The following DYNC1I1 variants were observed in gnomAD, a reference collection of about 807,000 sequenced individuals.
The protein encoded by DYNC1I1 is dynein cytoplasmic 1 intermediate chain 1, also known as cytoplasmic dynein 1 intermediate chain 1.
A neutral mutation model predicts 86.6 loss-of-function variants in DYNC1I1; 43 were observed. The observed-to-expected ratio is 0.50, with a 90% CI of 0.39 to 0.64. DYNC1I1 has a LOEUF of 0.64. Ranked by LOEUF, DYNC1I1 falls within the 30% of genes least tolerant of loss-of-function variation. DYNC1I1 has a pLI of 0.00. For synonymous variants in DYNC1I1, 262 were observed against 283.7 expected, an observed-to-expected ratio of 0.92 and a Z score of 0.77; for missense variants, 604 against 788.8, an observed-to-expected ratio of 0.77 and a Z score of 2.81.
intron 2 of DYNC1I1, among the ~76,000 whole-genome samples, chr7:95,809,112 A>G (rs930089127): frequency 5.9e-5 from 9 of 152,162 alleles, no homozygotes; most frequent in Non-Finnish European, 1.0e-4. Context: ...TTCAAATGGT[A>G]GTTTTCCCTC....
At chr7:95,921,645 C>A (rs189201413) in intron 6 of DYNC1I1, among the ~76,000 whole-genome samples, 70 of 152,228 alleles carry the variant, frequency 4.6e-4, no homozygotes, top group African/African-American at 1.6e-3. Context: ...GGTCACCTTC[C>A]AAAATGAAAT....
chr7:95,798,832 G>A (rs1210035721), intron 1 of DYNC1I1, among the ~76,000 whole-genome samples: 1 of 152,078 alleles, frequency 6.6e-6, no homozygotes, highest in African/African-American at 2.4e-5. Context: ...TTCTAAATAG[G>A]ACCAAACTAT....
intron 14 of DYNC1I1, among the ~76,000 whole-genome samples, chr7:96,042,869 A>T (rs1297992460): frequency 6.6e-6 from 1 of 152,144 alleles, no homozygotes; most frequent in Non-Finnish European, 1.5e-5. Context: ...CTAATATAGG[A>T]ATAAAAAATG....
chr7:95,795,152 G>A (rs1003923326), intron 1 of DYNC1I1, among the ~76,000 whole-genome samples: 4 of 152,202 alleles, frequency 2.6e-5, no homozygotes, highest in African/African-American at 9.6e-5. Flanking sequence ...AGACTGGACC[G>A]GAAGTAGACT....
chr7:96,081,095 A>AAAAGC (rs1790507653), intron 16 of DYNC1I1, among the ~76,000 whole-genome samples: 1 of 151,552 alleles, frequency 6.6e-6, no homozygotes, highest in Non-Finnish European at 1.5e-5. Context: ...AAAAGAAAAG[A>AAAAGC]AAAGTTTGCC....
chr7:96,016,541 A>G (rs1257366916), intron 10 of DYNC1I1, among the ~76,000 whole-genome samples: 1 of 152,184 alleles, frequency 6.6e-6, no homozygotes, highest in Non-Finnish European at 1.5e-5. Flanking sequence ...CAGGACACAC[A>G]TATCATGCAA....
At chr7:96,010,108 A>G (rs953906146) in intron 10 of DYNC1I1, among the ~76,000 whole-genome samples, 2 of 152,192 alleles carry the variant, frequency 1.3e-5, no homozygotes, top group African/African-American at 2.4e-5. Context: ...TACTGAAGCT[A>G]CAATGATAAA....
At chr7:96,017,551 C>T (rs1391762275) in intron 10 of DYNC1I1, among the ~76,000 whole-genome samples, 1 of 152,026 alleles carries the variant, frequency 6.6e-6, no homozygotes, top group South Asian at 2.1e-4. Context: ...TAAAATATGA[C>T]CATTTTGCTG....
At chr7:95,987,200 G>C in intron 9 of DYNC1I1, 45 bp downstream of exon 9, 1 of 1,507,274 alleles carries the variant, frequency 6.6e-7, no homozygotes, top group Non-Finnish European at 9.2e-7. Context: ...TTGTGTTCTC[G>C]TGGCATTTGT....
At chr7:95,972,934 A>G (rs1793212564) in intron 6 of DYNC1I1, among the ~76,000 whole-genome samples, 1 of 152,206 alleles carries the variant, frequency 6.6e-6, no homozygotes, top group African/African-American at 2.4e-5. Context: ...GAATATGGGT[A>G]TTAAATAAAA....
intron 6 of DYNC1I1, among the ~76,000 whole-genome samples, chr7:95,965,105 A>C (rs896755724): frequency 3.3e-5 from 5 of 152,172 alleles, no homozygotes; most frequent in Non-Finnish European, 5.9e-5. Flanking sequence ...GTACACATGG[A>C]TTGTGAAGCA....
intron 13 of DYNC1I1, among the ~76,000 whole-genome samples, chr7:96,037,730 C>T (rs1284155456): frequency 2.0e-5 from 3 of 152,120 alleles, no homozygotes; most frequent in African/African-American, 4.8e-5. Flanking sequence ...TCAGAATATG[C>T]ACTTTGGTTC....
intron 6 of DYNC1I1, among the ~76,000 whole-genome samples, chr7:95,918,912 A>G (rs895320510): frequency 2.0e-5 from 3 of 152,224 alleles, no homozygotes; most frequent in Non-Finnish European, 4.4e-5. Context: ...TAGACAATGT[A>G]TCAGAACTTA....
chr7:96,023,462 G>A (rs1794602654), intron 10 of DYNC1I1, among the ~76,000 whole-genome samples: 1 of 152,178 alleles, frequency 6.6e-6, no homozygotes, highest in Non-Finnish European at 1.5e-5. Flanking sequence ...ATCTGGGTCT[G>A]TGGTTAAGGG....
At chr7:96,079,734 G>T (rs1257570650) in intron 15 of DYNC1I1, among the ~76,000 whole-genome samples, 7 of 152,032 alleles carry the variant, frequency 4.6e-5, no homozygotes, top group Admixed American at 4.6e-4. Context: ...TTACACTTCG[G>T]TACTGCCAGA....
intron 5 of DYNC1I1, among the ~76,000 whole-genome samples, chr7:95,853,988 TA>T (rs1478592633): frequency 6.6e-6 from 1 of 152,210 alleles, no homozygotes; most frequent in Non-Finnish European, 1.5e-5. Flanking sequence ...TTTTGGTTTA[TA>T]TTTGCATGGA....
At chr7:96,016,347 A>AGT (rs1794402320) in intron 10 of DYNC1I1, among the ~76,000 whole-genome samples, 1 of 151,088 alleles carries the variant, frequency 6.6e-6, no homozygotes, top group Non-Finnish European at 1.5e-5. Flanking sequence ...TTCTGACCTA[A>AGT]GTGCCTTGGT....
At chr7:95,858,896 T>A (rs1789798707) in intron 5 of DYNC1I1, among the ~76,000 whole-genome samples, 1 of 147,396 alleles carries the variant, frequency 6.8e-6, no homozygotes, top group Non-Finnish European at 1.5e-5. Flanking sequence ...ACATTGTTTT[T>A]ATATTTATTA....
chr7:95,922,809 G>T (rs1167540184), intron 6 of DYNC1I1, among the ~76,000 whole-genome samples: 1 of 151,826 alleles, frequency 6.6e-6, no homozygotes, highest in Non-Finnish European at 1.5e-5. Context: ...TTAATTATTT[G>T]TCATTTCAAA....
Sources: gnomAD v4.1 joint callset for allele counts (sites outside exome capture counted in the v4.1 genomes callset) on GRCh38, gnomAD v4.1.1 for gene constraint, MANE v1.5 for transcripts, NCBI Gene and HGNC (gene_info 2026-07-23, HGNC 2026-07-21) for gene names.